The following ZC3H14 variants were observed in gnomAD, a reference collection of about 807,000 sequenced individuals.
ZC3H14 encodes zinc finger CCCH-type containing 14.
A neutral mutation model predicts 92.4 loss-of-function variants in ZC3H14; 31 were observed. That is an observed-to-expected ratio of 0.34 (90% CI 0.25 to 0.45). The LOEUF is 0.45. ZC3H14 is among the 20% of genes least tolerant of loss of function. The pLI, the probability that ZC3H14 is intolerant of heterozygous loss-of-function variation, is 1.00. For missense variants in ZC3H14, 781 were observed against 897.3 expected (o/e 0.87, Z 1.66); for synonymous variants, 321 against 300.9 (o/e 1.07, Z -0.69).
intron 9 of ZC3H14, among the ~76,000 whole-genome samples, chr14:88,581,926 A>T (rs2081957271): frequency 6.6e-6 from 1 of 152,232 alleles, no homozygotes; most frequent in Admixed American, 6.5e-5. Context: ...TTGAACATTT[A>T]TGCTGTCTTT....
At chr14:88,606,793 G>A (rs1038442608) in intron 12 of ZC3H14, among the ~76,000 whole-genome samples, 1 of 147,824 alleles carries the variant, frequency 6.8e-6, no homozygotes, top group Non-Finnish European at 1.5e-5. Context: ...GCTGAGTTTC[G>A]CACCTGGACT....
rs191598336 is a variant in ZC3H14 at position 88,610,944 on chromosome 14, A to T, written c.2204+4A>T. On this transcript the variant is annotated splice_donor_region_variant and intron_variant, in intron 16 of 16. Transcript: ENST00000251038. ...AATGGATTCGACCTCAAACCAGGTAAACATTCAAATTCGTTTTTCTCATGT... is the reference window on the plus strand; with the variant it reads ...AATGGATTCGACCTCAAACCAGGTATACATTCAAATTCGTTTTTCTCATGT... 4.6e-5 allele frequency: 75 copies of T among 1,613,390 alleles called. No individual in the cohort carries two copies. The East Asian group carries it at 1.4e-3, about 31-fold the overall frequency.
Position 88,626,999 on chromosome 14 carries a change from C to A in ZC3H14, c.*15248C>A. The A allele has an allele frequency of 1.9e-6, 3 of 1,613,834 alleles. No homozygotes were observed. The highest frequency in any genetic ancestry group is 1.1e-5 in the South Asian group (1 of 91,052). On this transcript the variant is annotated 3_prime_UTR_variant, in exon 17 of 17. Transcript: ENST00000251038. ...GTATCTGAATCTGGTCGGAATTCTG[C>A]CACAAAAATACGTTGATTGTGACCA... is the stretch of plus-strand genomic sequence containing the variant.
chr14:88,568,864 A>C (rs1385209652), intron 3 of ZC3H14, among the ~76,000 whole-genome samples: 1 of 152,152 alleles, frequency 6.6e-6, no homozygotes, highest in Non-Finnish European at 1.5e-5. Flanking sequence ...GCTATACTTA[A>C]TATGTTTCTT....
chr14:88,591,860 C>T (rs1170166471), intron 9 of ZC3H14: 2 of 152,196 alleles, frequency 1.3e-5, no homozygotes, highest in East Asian at 3.8e-4. Context: ...ATGGGAGAGT[C>T]CTTGAGTGTG....
At position 88,618,932 on chromosome 14, in the gene ZC3H14, T is replaced by C; in HGVS notation, c.*7181T>C. On this transcript the variant is annotated 3_prime_UTR_variant, in exon 17 of 17. Transcript: ENST00000251038. ...CGTGTGATAAGGCCTCAAATAGATT[T>C]ACCTGTCAGACACAACTGATCATGT... is the stretch of plus-strand genomic sequence containing the variant. The C allele has an allele frequency of 1.1e-6, 1 of 939,230 alleles. No homozygotes were observed. The highest frequency in any genetic ancestry group is 1.5e-6 in the Non-Finnish European group (1 of 651,290). The allele number at this position is 939,230 out of a possible 1,614,324, so 58.2% of individuals were successfully genotyped here. A position where few individuals can be genotyped will look rare whatever the true frequency, so the allele number is the denominator to read the frequency against.
intron 12 of ZC3H14, among the ~76,000 whole-genome samples, chr14:88,604,546 G>C (rs1374052720): frequency 6.6e-6 from 1 of 151,144 alleles, no homozygotes; most frequent in African/African-American, 2.4e-5. Flanking sequence ...TTAACCTGCT[G>C]TCTTTTCACT....
In ZC3H14 at chr14:88,624,178, G is replaced by A. The variant is rs2089552073; in HGVS notation, c.*12427G>A. The A allele has an allele frequency of 6.6e-6, 1 of 152,254 alleles. No homozygotes were observed. Among genetic ancestry groups the A allele is most frequent in the African/African-American group, 2.4e-5 (1 of 41,422 alleles). The allele number at this position is 152,254 out of a possible 1,614,324, so 9.4% of individuals were successfully genotyped here. A position where few individuals can be genotyped will look rare whatever the true frequency, so the allele number is the denominator to read the frequency against. Reference sequence around the variant, plus strand: ...AAAGCCTTGACCTCCCCAGGCTCAAGTGATCCTCCCACCTCAGCCTCCTGA... The same window carrying A: ...AAAGCCTTGACCTCCCCAGGCTCAAATGATCCTCCCACCTCAGCCTCCTGA... On this transcript the variant is annotated 3_prime_UTR_variant, in exon 17 of 17. Coordinates refer to ENST00000251038, the MANE Select transcript of ZC3H14 (RefSeq NM_024824.5).
intron 6 of ZC3H14, 91 bp from the exon 7 acceptor site, chr14:88,574,602 G>A: frequency 4.1e-6 from 6 of 1,456,466 alleles, no homozygotes; most frequent in Non-Finnish European, 5.8e-6. Flanking sequence ...ATATTACTGT[G>A]TACTGTTTTT....
chr14:88,568,263 C>A, intron 3 of ZC3H14, 110 bp downstream of exon 3: 1 of 888,232 alleles, frequency 1.1e-6, no homozygotes, highest in Non-Finnish European at 1.8e-6. Context: ...TTTGGAGAGG[C>A]AGTTTGTGAG....
intron 13 of ZC3H14, 78 bp from the exon 14 acceptor site, chr14:88,609,189 G>A: frequency 1.3e-6 from 2 of 1,582,726 alleles, no homozygotes; most frequent in Non-Finnish European, 1.7e-6. Context: ...GATGGGGAGT[G>A]TAAAGAGCCC....
chr14:88,625,789 T>A lies in ZC3H14; in HGVS notation c.*14038T>A, dbSNP rs2089851608. ...ACATGGCACAAACATTTCAATAGTC[T>A]TTTTCTCAAAAATGTAAGTGTACTT... On this transcript the variant is annotated 3_prime_UTR_variant, in exon 17 of 17. Transcript: ENST00000251038. The A allele has an allele frequency of 6.6e-6, 1 of 152,236 alleles. No individual in the cohort carries two copies. The highest frequency in any genetic ancestry group is 1.5e-5 in the Non-Finnish European group (1 of 68,050). 9.4% of individuals were successfully genotyped at this position (152,236 alleles called of 1,614,324 possible).
rs2089355430 is a variant in ZC3H14, at chr14:88,623,188, G to T, written c.*11437G>T. On this transcript the variant is annotated 3_prime_UTR_variant, in exon 17 of 17. Transcript: ENST00000251038. Reference sequence around the variant, plus strand: ...GCACCACCACACCCAGCTAATTTCTGTATTTTTAGTAGAGATGGGGTTTCA... The same window carrying T: ...GCACCACCACACCCAGCTAATTTCTTTATTTTTAGTAGAGATGGGGTTTCA... The T allele has an allele frequency of 6.6e-6, 1 of 151,588 alleles. No individual in the cohort carries two copies. The highest frequency in any genetic ancestry group is 1.5e-5 in the Non-Finnish European group (1 of 68,046). The allele number at this position is 151,588 out of a possible 1,614,324, so 9.4% of individuals were successfully genotyped here.
chr14:88,618,019 AAACTTGATAAATCATGG>A lies in ZC3H14; in HGVS notation c.*6271_*6287del. On this transcript the variant is annotated 3_prime_UTR_variant, in exon 17 of 17. Coordinates refer to ENST00000251038, the MANE Select transcript of ZC3H14 (RefSeq NM_024824.5). ...TAAAACTTTGATTTCCTTAAAAAAA[AAACTTGATAAATCATGG>A]AAACTGATAAAACATGGAAATATAT... 1 of 384,552 alleles carries A rather than the reference AAACTTGATAAATCATGG, an allele frequency of 2.6e-6. No individual in the cohort carries two copies. The highest frequency in any genetic ancestry group is 4.1e-5 in the Admixed American group (1 of 24,244). The allele number at this position is 384,552 out of a possible 1,614,324, so 23.8% of individuals were successfully genotyped here. A position where few individuals can be genotyped will look rare whatever the true frequency, so the allele number is the denominator to read the frequency against.
intron 9 of ZC3H14, 63 bp from the exon 10 acceptor site, chr14:88,596,671 G>T: frequency 7.1e-7 from 1 of 1,413,892 alleles, no homozygotes; most frequent in Non-Finnish European, 1.0e-6. Context: ...TTGATTTTTG[G>T]GAACCACATG....
rs940015456 is a variant in ZC3H14, at chr14:88,627,381, C to T, written c.*15630C>T. The T allele has an allele frequency of 4.2e-6, 2 of 476,558 alleles. No homozygotes were observed. 29.5% of individuals were successfully genotyped at this position (476,558 alleles called of 1,614,324 possible). Reference sequence around the variant, plus strand: ...CCAATCAAATCATTAATAATAAATACATAGTTTCTTGCTGGAAGAAAATAG... The same window carrying T: ...CCAATCAAATCATTAATAATAAATATATAGTTTCTTGCTGGAAGAAAATAG... On this transcript the variant is annotated 3_prime_UTR_variant, in exon 17 of 17. Coordinates refer to ENST00000251038, the MANE Select transcript of ZC3H14 (RefSeq NM_024824.5).
At chr14:88,601,560 G>C (rs1039890200) in intron 10 of ZC3H14, among the ~76,000 whole-genome samples, 1 of 152,188 alleles carries the variant, frequency 6.6e-6, no homozygotes, top group Non-Finnish European at 1.5e-5. Context: ...AGCAGTCTGT[G>C]TATTCTAATT....
intron 9 of ZC3H14, chr14:88,589,277 C>CT (rs1478735409): frequency 6.6e-6 from 1 of 152,064 alleles, no homozygotes; most frequent in African/African-American, 2.4e-5. Flanking sequence ...GGTTGGTATG[C>CT]TTACACTCCT....
At chr14:88,601,856 CATAT>C in intron 10 of ZC3H14, 64 bp from the exon 11 acceptor site, 1 of 1,550,138 alleles carries the variant, frequency 6.5e-7, no homozygotes, top group Non-Finnish European at 8.9e-7. Context: ...ATTCTTCTCA[CATAT>C]ATAATGTTGG....
Sources: gnomAD v4.1 joint callset for allele counts (sites outside exome capture counted in the v4.1 genomes callset) on GRCh38, gnomAD v4.1.1 for gene constraint, MANE v1.5 for transcripts, NCBI Gene and HGNC (gene_info 2026-07-23, HGNC 2026-07-21) for gene names.